NLGN4X: variants seen among roughly 807,000 people sequenced by gnomAD.
The protein encoded by NLGN4X is neuroligin 4 X-linked, also known as neuroligin-4, X-linked.
A neutral mutation model predicts 40.3 loss-of-function variants in NLGN4X; 3 were observed. That is an observed-to-expected ratio of 0.07 (90% confidence interval 0.03 to 0.19). The LOEUF (loss-of-function observed/expected upper bound fraction) is 0.19, where lower values mean the gene tolerates loss of function less well. NLGN4X is among the 10% of genes least tolerant of loss of function. The pLI, the probability that NLGN4X is intolerant of heterozygous loss-of-function variation, is 1.00. For synonymous variants in NLGN4X, 270 were observed against 306.8 expected (o/e 0.88, Z 1.25); for missense variants, 382 against 708.3 (o/e 0.54, Z 5.23).
chrX:6,179,920 G>C (rs913136532), intron 1 of NLGN4X, among the ~76,000 whole-genome samples: 1 of 111,677 alleles, frequency 9.0e-6, no homozygotes, highest in Admixed American at 9.5e-5. Context: ...TTACTCCTTC[G>C]TATCTTCTAA....
At chrX:5,926,739 T>C (rs559844495) in intron 3 of NLGN4X, among the ~76,000 whole-genome samples, 11 of 108,492 alleles carry the variant, frequency 1.0e-4, no homozygotes, top group Middle Eastern at 9.4e-3. Context: ...TACATACACA[T>C]GCATAAGTCT....
chrX:6,137,970 G>A (rs1396257264), intron 2 of NLGN4X, among the ~76,000 whole-genome samples: 6 of 111,255 alleles, frequency 5.4e-5, no homozygotes, highest in Admixed American at 3.8e-4. Context: ...TCAGGGGCTT[G>A]GCATTTCAGG....
intron 2 of NLGN4X, chrX:6,032,812 CA>C: frequency 1.4e-6 from 1 of 730,579 alleles, no homozygotes; most frequent in Non-Finnish European, 1.9e-6. Flanking sequence ...AACAGGTTTT[CA>C]AAAAATTCAG....
chrX:6,198,503 G>T (rs1312207618), intron 1 of NLGN4X, among the ~76,000 whole-genome samples: 1 of 112,000 alleles, frequency 8.9e-6, no homozygotes. Flanking sequence ...CCATGAATGT[G>T]CTGTGAGGAC....
intron 3 of NLGN4X, among the ~76,000 whole-genome samples, chrX:5,925,616 C>A (rs5916274): frequency 0.18 from 19,577 of 106,625 alleles, 1,564 homozygotes; most frequent in African/African-American, 0.29. Context: ...TGAAGAACAC[C>A]CCATGTTCTA....
intron 1 of NLGN4X, among the ~76,000 whole-genome samples, chrX:6,213,232 C>G (rs949930753): frequency 9.0e-6 from 1 of 111,399 alleles, no homozygotes; most frequent in African/African-American, 3.3e-5. Context: ...TGTGGATTTC[C>G]TCCCCCAAAC....
chrX:5,935,097 G>A (rs1271906719), intron 3 of NLGN4X, among the ~76,000 whole-genome samples: 4 of 111,808 alleles, frequency 3.6e-5, no homozygotes, highest in African/African-American at 1.3e-4. Flanking sequence ...ATCTTGTTTT[G>A]TACAGAGATA....
intron 3 of NLGN4X, among the ~76,000 whole-genome samples, chrX:5,960,046 T>C (rs151335479): frequency 0.016 from 1,788 of 111,520 alleles, 36 homozygotes; most frequent in African/African-American, 0.056. Flanking sequence ...AGAATTATCA[T>C]AAAGCTGCAA....
At chrX:6,140,376 CA>C (rs2039918470) in intron 2 of NLGN4X, among the ~76,000 whole-genome samples, 1 of 109,124 alleles carries the variant, frequency 9.2e-6, no homozygotes, top group Admixed American at 9.9e-5. Flanking sequence ...TGGCACTTCC[CA>C]GAAAATTGTA....
intron 3 of NLGN4X, among the ~76,000 whole-genome samples, chrX:5,912,041 C>T (rs2032500502): frequency 8.9e-6 from 1 of 112,139 alleles, no homozygotes; most frequent in Admixed American, 9.5e-5. Context: ...ACAAGATTTG[C>T]AACTTCCCCA....
At chrX:6,003,620 T>C (rs1302063105) in intron 3 of NLGN4X, among the ~76,000 whole-genome samples, 2 of 110,240 alleles carry the variant, frequency 1.8e-5, no homozygotes, top group African/African-American at 6.6e-5. Flanking sequence ...GGGTCTGGGC[T>C]GTGCCTGTTG....
intron 1 of NLGN4X, among the ~76,000 whole-genome samples, chrX:6,175,743 G>A (rs2040719822): frequency 9.4e-6 from 1 of 106,077 alleles, no homozygotes; most frequent in African/African-American, 3.5e-5. Flanking sequence ...TTTTCAAAGA[G>A]AACTCTTTAC....
chrX:6,125,059 C>T (rs183342814), intron 2 of NLGN4X, among the ~76,000 whole-genome samples: 2 of 112,010 alleles, frequency 1.8e-5, no homozygotes, highest in African/African-American at 3.2e-5. Flanking sequence ...TTTATGCTAC[C>T]GTATAAACAC....
Position 5,891,257 on chromosome X carries a change from A to G in NLGN4X, c.*1560T>C, listed in dbSNP as rs895308250. ...AATGTCTTCTCAGTGAAGTTATCCT[A>G]ATTTCCCAGAAAACCCATGCAAAGC... On this transcript the variant is annotated 3_prime_UTR_variant, in exon 6 of 6. Coordinates refer to ENST00000381095, the MANE Select transcript of NLGN4X (RefSeq NM_181332.3). 9 of 235,204 alleles carry G rather than the reference A, an allele frequency of 3.8e-5. No individual in the cohort carries two copies. Among genetic ancestry groups the G allele is most frequent in the African/African-American group, 2.7e-4 (9 of 33,615 alleles). 19.4% of individuals were successfully genotyped at this position (235,204 alleles called of 1,213,427 possible). A position where few individuals can be genotyped will look rare whatever the true frequency, so the allele number is the denominator to read the frequency against.
chrX:5,991,327 C>T (rs1021829599), intron 3 of NLGN4X: 13 of 428,174 alleles, frequency 3.0e-5, no homozygotes, highest in Non-Finnish European at 5.6e-5. Context: ...CCCTTCCCCC[C>T]ACAGCATAAT....
chrX:6,216,096 T>C (rs1158547677), intron 1 of NLGN4X, among the ~76,000 whole-genome samples: 1 of 110,854 alleles, frequency 9.0e-6, no homozygotes, highest in Non-Finnish European at 1.9e-5. Flanking sequence ...CCTGACCTCA[T>C]ATGATCCACC....
chrX:6,098,703 C>T (rs1321115303), intron 2 of NLGN4X, among the ~76,000 whole-genome samples: 1 of 111,658 alleles, frequency 9.0e-6, no homozygotes, highest in African/African-American at 3.3e-5. Flanking sequence ...ACTTCAGATC[C>T]TGACTGCACT....
At chrX:5,980,845 G>C (rs1458634465) in intron 3 of NLGN4X, among the ~76,000 whole-genome samples, 2 of 111,181 alleles carry the variant, frequency 1.8e-5, no homozygotes, top group Non-Finnish European at 3.8e-5. Flanking sequence ...CTCCAAGTAT[G>C]TTCTACTGCT....
intron 2 of NLGN4X, among the ~76,000 whole-genome samples, chrX:6,033,328 G>A (rs1385434531): frequency 9.0e-6 from 1 of 111,652 alleles, no homozygotes; most frequent in East Asian, 2.8e-4. Flanking sequence ...ATCTCAAAAA[G>A]TCAGAATTGT....
Sources: allele counts gnomAD v4.1 joint callset (sites outside exome capture counted in the v4.1 genomes callset), GRCh38; gene constraint gnomAD v4.1.1; transcripts MANE v1.5; gene names NCBI Gene and HGNC (gene_info 2026-07-23, HGNC 2026-07-21).